The following HTATSF1 variants were observed in gnomAD, a reference collection of about 807,000 sequenced individuals.
The protein encoded by HTATSF1 is 17S U2 SnRNP complex component HTATSF1.
Under a neutral mutation model 46.1 loss-of-function variants are expected in HTATSF1, and 6 were observed. The ratio of observed to expected loss-of-function variants is 0.13; its 90% CI spans 0.07 to 0.26. The LOEUF (loss-of-function observed/expected upper bound fraction) is 0.26. HTATSF1 is among the 10% of genes least tolerant of loss of function. HTATSF1 has a pLI of 1.00. For synonymous variants in HTATSF1, 226 were observed against 211.5 expected, an observed-to-expected ratio of 1.07 and a Z score of -0.60; for missense variants, 452 against 559.9, an observed-to-expected ratio of 0.81 and a Z score of 1.94.
chrX:136,512,086 G>A lies in HTATSF1; in HGVS notation c.*73G>A. On this transcript the variant is annotated 3_prime_UTR_variant, in exon 9 of 9. Transcript: ENST00000218364. ...GTGCTTCAGGGTAATTACTAGTAGT[G>A]TTACATGAACATGTGCATAGTGGTA... 9.6e-7 allele frequency: 1 copy of A among 1,047,056 alleles called. No homozygotes were observed. Among genetic ancestry groups the A allele is most frequent in the South Asian group, 2.2e-5 (1 of 44,484 alleles). 86.3% of individuals were successfully genotyped at this position (1,047,056 alleles called of 1,213,427 possible).
Position 136,510,792 on chromosome X carries a change from C to G in HTATSF1, c.1063-16C>G, listed in dbSNP as rs377544350. ...GCCTGAAACTTATTTTAATGGCAGT[C>G]TCCATTTATCCACAGGTGGAGGAAA... On this transcript the variant is annotated splice_polypyrimidine_tract_variant and intron_variant, in intron 8 of 8. Coordinates refer to ENST00000218364, the MANE Select transcript of HTATSF1 (RefSeq NM_014500.5). The G allele has an allele frequency of 1.7e-6, 2 of 1,168,078 alleles. No individual in the cohort carries two copies.
chrX:136,503,621 AGAGTT>A lies in HTATSF1; in HGVS notation c.734+685_734+689del, dbSNP rs748518691. ...TATCAGTAAAATTTATGATTGTAAC[AGAGTT>A]GAGTAGTTTTATGTATTTGAGTGCA... On this transcript the variant is annotated intron_variant, in intron 5 of 8. Transcript: ENST00000218364. Among the ~76,000 whole-genome samples, 422 of 111,955 alleles carry A rather than the reference AGAGTT, an allele frequency of 3.8e-3. 1 individual carries two copies. The highest frequency in any genetic ancestry group is 0.012 in the African/African-American group (360 of 30,853).
In HTATSF1 at chrX:136,510,619, G is replaced by A. The variant is rs202137458; in HGVS notation, c.1063-189G>A. ...ACTGTGATATTTGGCCTTTATTTAAGTGGTCTTATTTAAGGTCAACTCTAG... is the reference window on the plus strand; with the variant it reads ...ACTGTGATATTTGGCCTTTATTTAAATGGTCTTATTTAAGGTCAACTCTAG... On this transcript the variant is annotated intron_variant, in intron 8 of 8. Transcript: ENST00000218364. Among the ~76,000 whole-genome samples the A allele has an allele frequency of 2.7e-5, 3 of 112,716 alleles. No individual in the cohort carries two copies. The East Asian group carries it at 8.3e-4, about 31-fold the overall frequency.
chrX:136,497,648 G>A lies in HTATSF1; in HGVS notation c.-37G>A. The A allele has an allele frequency of 3.5e-6, 4 of 1,127,105 alleles. No individual in the cohort carries two copies. Among genetic ancestry groups the A allele is most frequent in the Non-Finnish European group, 4.8e-6 (4 of 837,853 alleles). The allele number at this position is 1,127,105 out of a possible 1,213,427, so 92.9% of individuals were successfully genotyped here. ...GCTCCAGCGTCATTTCGGCCTCTTA[G>A]TTCTTCTGAACCCTGCTCCTGAGCT... On this transcript the variant is annotated 5_prime_UTR_variant, in exon 1 of 9. Coordinates refer to ENST00000218364, the MANE Select transcript of HTATSF1 (RefSeq NM_014500.5).
Position 136,501,909 on chromosome X carries a change from G to C in HTATSF1, c.571-869G>C, listed in dbSNP as rs755933085. On this transcript the variant is annotated intron_variant, in intron 4 of 8. Coordinates refer to ENST00000218364, the MANE Select transcript of HTATSF1 (RefSeq NM_014500.5). ...AAAAAATCTGCGAACAGATTCTTAGGGAGTTCTGTTAGATTTTTTAAATTT... is the reference window on the plus strand; with the variant it reads ...AAAAAATCTGCGAACAGATTCTTAGCGAGTTCTGTTAGATTTTTTAAATTT... Among the ~76,000 whole-genome samples the C allele has an allele frequency of 1.8e-3, 199 of 111,733 alleles. 5 individuals are homozygous for C. Among genetic ancestry groups the C allele is most frequent in the Non-Finnish European group, 4.7e-4 (25 of 53,055 alleles).
chrX:136,497,590 G>A, upstream of HTATSF1: 1 of 741,622 alleles, frequency 1.3e-6, no homozygotes, highest in Non-Finnish European at 1.9e-6. Context: ...CGGGGCGCGA[G>A]CAGAGCGCGG....
Position 136,499,457 on chromosome X carries a change from C to T in HTATSF1, c.187-141C>T, listed in dbSNP as rs878935011. The T allele has an allele frequency of 3.2e-5, 13 of 411,603 alleles. No homozygotes were observed. In the South Asian group the frequency reaches 8.4e-4, roughly 26 times the overall value. The allele number at this position is 411,603 out of a possible 1,213,427, so 33.9% of individuals were successfully genotyped here. A position where few individuals can be genotyped will look rare whatever the true frequency, so the allele number is the denominator to read the frequency against. ...GAAGGTGACTATTCTTGCATTTATA[C>T]CTTAATAACTACAACTATTATCCAC... On this transcript the variant is annotated intron_variant, in intron 1 of 8. Coordinates refer to ENST00000218364, the MANE Select transcript of HTATSF1 (RefSeq NM_014500.5).
At chrX:136,510,061 T>G in intron 7 of HTATSF1, 21 bp from the exon 8 acceptor site, 1 of 1,188,093 alleles carries the variant, frequency 8.4e-7, no homozygotes, top group Non-Finnish European at 1.1e-6. Flanking sequence ...CATTCCTTTT[T>G]TTTCTTTCTT....
intron 1 of HTATSF1, among the ~76,000 whole-genome samples, chrX:136,498,167 A>G (rs977642380): frequency 1.8e-5 from 2 of 112,833 alleles, no homozygotes; most frequent in East Asian, 5.5e-4. Flanking sequence ...AATACCAAGA[A>G]CAAATTTAGT....
Position 136,500,710 on chromosome X carries a change from C to T in HTATSF1, c.462C>T (p.Ser154=). Residue 154 remains serine, a synonymous_variant, in exon 4 of 9, where the codon TCC becomes TCT. Transcript: ENST00000218364. ...ITVDEFIQLM[S]KFGIIMRDPQ... ...TGGATGAATTTATACAACTTATGTC[C>T]AAGTTTGGCATTATTATGAGAGATC... The T allele has an allele frequency of 8.8e-7, 1 of 1,142,420 alleles. No homozygotes were observed. The allele number at this position is 1,142,420 out of a possible 1,213,427, so 94.1% of individuals were successfully genotyped here. A position where few individuals can be genotyped will look rare whatever the true frequency, so the allele number is the denominator to read the frequency against.
chrX:136,509,750 G>A (rs1569355111), intron 7 of HTATSF1, among the ~76,000 whole-genome samples: 1 of 112,180 alleles, frequency 8.9e-6, no homozygotes. Context: ...TGTTCATTTG[G>A]TAACTGACAG....
At chrX:136,508,799 G>A (rs1379281862) in intron 6 of HTATSF1, among the ~76,000 whole-genome samples, 1 of 112,467 alleles carries the variant, frequency 8.9e-6, no homozygotes, top group Non-Finnish European at 1.9e-5. Context: ...CTGAATATGC[G>A]CCACAGGACT....
In HTATSF1 at chrX:136,510,726, T is replaced by C. The variant is rs996517133; in HGVS notation, c.1063-82T>C. The C allele has an allele frequency of 7.1e-6, 7 of 983,581 alleles. No individual in the cohort carries two copies. The African/African-American group carries it at 1.4e-4, about 19-fold the overall frequency. The allele number at this position is 983,581 out of a possible 1,213,427, so 81.1% of individuals were successfully genotyped here. ...AAGAGATGCTTTATAAAATTAAGGT[T>C]GTTTCATCAATATTAGATATGTTCA... On this transcript the variant is annotated intron_variant, in intron 8 of 8. Coordinates refer to ENST00000218364, the MANE Select transcript of HTATSF1 (RefSeq NM_014500.5).
Position 136,511,674 on chromosome X carries a change from T to C in HTATSF1, c.1929T>C (p.Asp643=). Residue 643 remains aspartate, a synonymous_variant, in exon 9 of 9, where the codon GAT becomes GAC. Coordinates refer to ENST00000218364, the MANE Select transcript of HTATSF1 (RefSeq NM_014500.5). ...TYEKVFDDES[D]EKEDEEYADE... The stretch of plus-strand genomic sequence containing the variant: ...AAAAAGTATTTGATGATGAGTCTGA[T>C]GAGAAAGAGGATGAAGAATATGCAG... The C allele has an allele frequency of 2.5e-6, 3 of 1,210,665 alleles. No homozygotes were observed. In the East Asian group the frequency reaches 8.9e-5, roughly 36 times the overall value.
chrX:136,511,842 T>A lies in HTATSF1; in HGVS notation c.2097T>A (p.Asp699Glu), dbSNP rs1234106208. 9.9e-6 allele frequency: 12 copies of A among 1,211,480 alleles called. No homozygotes were observed. Among genetic ancestry groups the A allele is most frequent in the Non-Finnish European group, 1.3e-5 (12 of 895,380 alleles). ...VEDADEKLFE[D>E]DDSNEKLFDE... is the part of the protein sequence containing the mutation. ...ATGCTGACGAAAAGTTGTTCGAAGATGATGATTCCAATGAGAAGTTGTTTG... is the reference window on the plus strand; with the variant it reads ...ATGCTGACGAAAAGTTGTTCGAAGAAGATGATTCCAATGAGAAGTTGTTTG... The change falls in exon 9 of 9, where the codon GAT (aspartate) becomes GAA (glutamate). Residue 699 changes from aspartate to glutamate, a missense_variant. Asp to Glu is a conservative substitution (Grantham distance 45). Transcript: ENST00000218364.
At position 136,511,530 on chromosome X, in the gene HTATSF1, T is replaced by A. The variant is rs969481117; in HGVS notation, c.1785T>A (p.Asn595Lys). The change falls in exon 9 of 9, where the codon AAT (asparagine) becomes AAA (lysine). Residue 595 changes from asparagine (N) to lysine (K), a missense_variant. Asn to Lys is a moderately conservative substitution (Grantham distance 94, BLOSUM62 0). This residue lies in a region of HTATSF1 where 246 missense variants were observed against 245.3 expected (regional missense o/e 1.00). Coordinates refer to ENST00000218364, the MANE Select transcript of HTATSF1 (RefSeq NM_014500.5). ...TTCTTGACAAAGAGTTAGAAGAAAA[T>A]GACTCTGAAAACTCCGAATTTGAAG... ...ENVLDKELEE[N>K]DSENSEFEDD... 1.7e-6 allele frequency: 2 copies of A among 1,208,487 alleles called. No homozygotes were observed. The highest frequency in any genetic ancestry group is 2.2e-6 in the Non-Finnish European group (2 of 894,748).
intron 5 of HTATSF1, 82 bp downstream of exon 5, chrX:136,503,023 C>G (rs1379237615): frequency 1.7e-6 from 1 of 594,543 alleles, no homozygotes; most frequent in Non-Finnish European, 2.4e-6. Context: ...TTTATTCTGT[C>G]AAGTGTGCCT....
chrX:136,501,001 A>G (rs897737543), intron 4 of HTATSF1, among the ~76,000 whole-genome samples, 183 bp downstream of exon 4: 1 of 112,547 alleles, frequency 8.9e-6, no homozygotes, highest in African/African-American at 3.2e-5. Flanking sequence ...TTTTAAGAAA[A>G]TATGTTATCA....
At chrX:136,497,922 G>T in intron 1 of HTATSF1, 52 bp downstream of exon 1, 1 of 973,774 alleles carries the variant, frequency 1.0e-6, no homozygotes, top group Non-Finnish European at 1.4e-6. Flanking sequence ...GGCCAGCCTC[G>T]CGGGGCACTC....
Sources: allele counts gnomAD v4.1 joint callset (sites outside exome capture counted in the v4.1 genomes callset), GRCh38; gene constraint gnomAD v4.1.1; regional missense constraint gnomAD v4.1.1; transcripts MANE v1.5; gene names NCBI Gene and HGNC (gene_info 2026-07-23, HGNC 2026-07-21).